MON2: variants seen among roughly 807,000 people sequenced by gnomAD.
MON2 encodes the protein protein MON2 homolog.
MON2 carries 84 observed loss-of-function variants against 208.6 expected under a neutral mutation model. The ratio of observed to expected loss-of-function variants is 0.40; its 90% CI spans 0.34 to 0.48. The LOEUF is 0.48. MON2 is among the 20% of genes least tolerant of loss of function. MON2 has a pLI of 0.59. For synonymous variants in MON2, 660 were observed against 694.0 expected (o/e 0.95, Z 0.77); for missense variants, 1,611 against 2,015.4 (o/e 0.80, Z 3.84).
At chr12:62,550,570 A>G (rs925171571) in intron 23 of MON2, among the ~76,000 whole-genome samples, 5 of 152,164 alleles carry the variant, frequency 3.3e-5, no homozygotes, top group Non-Finnish European at 7.3e-5. Flanking sequence ...CTACATTGAA[A>G]ATCTGTTGGT....
chr12:62,555,646 C>G (rs1193734325), intron 24 of MON2, among the ~76,000 whole-genome samples: 2 of 151,972 alleles, frequency 1.3e-5, no homozygotes, highest in Admixed American at 1.3e-4. Flanking sequence ...CCCATCTCTA[C>G]TAAAAATACA....
intron 31 of MON2, among the ~76,000 whole-genome samples, chr12:62,579,196 G>T (rs1054080058): frequency 6.6e-6 from 1 of 151,732 alleles, no homozygotes; most frequent in African/African-American, 2.4e-5. Flanking sequence ...GTGAGCTACA[G>T]CTGTACCACT....
At chr12:62,529,852 T>C (rs1212130642) in intron 11 of MON2, among the ~76,000 whole-genome samples, 1 of 152,178 alleles carries the variant, frequency 6.6e-6, no homozygotes, top group African/African-American at 2.4e-5. Flanking sequence ...TGCAACATAA[T>C]TTTTTTCAAC....
intron 8 of MON2, among the ~76,000 whole-genome samples, chr12:62,523,079 G>A (rs2072143919): frequency 1.3e-5 from 2 of 152,104 alleles, no homozygotes; most frequent in Admixed American, 6.6e-5. Flanking sequence ...ACACTTATAT[G>A]CCACTTATGC....
At chr12:62,495,267 T>C (rs1011052174) in intron 4 of MON2, 120 bp downstream of exon 4, 2 of 787,598 alleles carry the variant, frequency 2.5e-6, no homozygotes, top group Non-Finnish European at 1.9e-6. Context: ...GCTATGGTGA[T>C]GATTGACATT....
chr12:62,591,536 A>T (rs2075397981), intron 34 of MON2, among the ~76,000 whole-genome samples: 1 of 152,256 alleles, frequency 6.6e-6, no homozygotes, highest in Admixed American at 6.5e-5. Flanking sequence ...AGCCCTTAAT[A>T]AATTGATATG....
intron 8 of MON2, among the ~76,000 whole-genome samples, chr12:62,524,136 A>G (rs1346006980): frequency 6.6e-6 from 1 of 152,134 alleles, no homozygotes; most frequent in Non-Finnish European, 1.5e-5. Flanking sequence ...AAAGTATGGA[A>G]AAAACTGCTC....
At chr12:62,503,775 C>T (rs1167459437) in intron 7 of MON2, among the ~76,000 whole-genome samples, 2 of 152,178 alleles carry the variant, frequency 1.3e-5, no homozygotes, top group Non-Finnish European at 2.9e-5. Flanking sequence ...TATTCCTGGG[C>T]CTGGAATCCT....
At chr12:62,543,303 C>G in intron 20 of MON2, 105 bp downstream of exon 20, 4 of 540,718 alleles carry the variant, frequency 7.4e-6, no homozygotes, top group Non-Finnish European at 3.0e-6. Flanking sequence ...CTTTTTTTCC[C>G]CCTTTCCTGA....
chr12:62,538,090 T>G lies in MON2; in HGVS notation c.2119-6T>G, dbSNP rs2073067180. On this transcript the variant is annotated splice_polypyrimidine_tract_variant and splice_region_variant and intron_variant, in intron 16 of 34. Coordinates refer to ENST00000393630, the MANE Select transcript of MON2 (RefSeq NM_015026.3). ...TATTTGTTTTGATTTTTTTTTAATT[T>G]TACAGCATCTTGTGTGGATTCTGGG... is the stretch of plus-strand genomic sequence containing the variant. The G allele has an allele frequency of 6.2e-7, 1 of 1,607,262 alleles. No homozygotes were observed. Among genetic ancestry groups the G allele is most frequent in the Admixed American group, 1.7e-5 (1 of 58,554 alleles).
chr12:62,498,729 A>G (rs2070675892), intron 4 of MON2, among the ~76,000 whole-genome samples, 190 bp from the exon 5 acceptor site: 2 of 152,234 alleles, frequency 1.3e-5, no homozygotes, highest in South Asian at 4.1e-4. Context: ...ACATTACCAT[A>G]GCTAATCTTC....
intron 24 of MON2, among the ~76,000 whole-genome samples, chr12:62,554,713 C>A (rs963490821): frequency 6.6e-6 from 1 of 152,052 alleles, no homozygotes; most frequent in African/African-American, 2.4e-5. Flanking sequence ...CCCGGCTGTT[C>A]TCAAACTCTA....
chr12:62,565,936 A>T (rs2074367918), intron 27 of MON2, 78 bp from the exon 28 acceptor site: 2 of 1,295,416 alleles, frequency 1.5e-6, no homozygotes, highest in Non-Finnish European at 1.1e-6. Flanking sequence ...TTATAATTTT[A>T]TATCGTCCGA....
At chr12:62,563,976 GCAGT>G (rs2074284408) in intron 26 of MON2, among the ~76,000 whole-genome samples, 1 of 152,130 alleles carries the variant, frequency 6.6e-6, no homozygotes, top group African/African-American at 2.4e-5. Context: ...ACTATTACAA[GCAGT>G]CAGTAAAGAG....
chr12:62,473,936 A>T (rs1200889356), intron 1 of MON2, among the ~76,000 whole-genome samples: 1 of 151,664 alleles, frequency 6.6e-6, no homozygotes, highest in Non-Finnish European at 1.5e-5. Flanking sequence ...CTCCATGCTC[A>T]CCTGCTTGGC....
chr12:62,507,883 C>T (rs907561714), intron 7 of MON2, among the ~76,000 whole-genome samples: 1 of 152,156 alleles, frequency 6.6e-6, no homozygotes, highest in Non-Finnish European at 1.5e-5. Context: ...TTCCTTCCAC[C>T]TCAGCCTCCC....
rs890709715 is a variant in MON2 at position 62,595,367 on chromosome 12, A to C, written c.*2618A>C. On this transcript the variant is annotated 3_prime_UTR_variant, in exon 35 of 35. Transcript: ENST00000393630. Reference sequence around the variant, plus strand: ...ACCATTTTGGCCATTCTAGTCTTGAACTCCTGACCTCAGGTGATCTGCCCG... The same window carrying C: ...ACCATTTTGGCCATTCTAGTCTTGACCTCCTGACCTCAGGTGATCTGCCCG... The C allele has an allele frequency of 2.0e-5, 3 of 151,422 alleles. No individual in the cohort carries two copies. The highest frequency in any genetic ancestry group is 7.3e-5 in the African/African-American group (3 of 41,146). 9.4% of individuals were successfully genotyped at this position (151,422 alleles called of 1,614,324 possible).
intron 4 of MON2, among the ~76,000 whole-genome samples, chr12:62,495,923 G>A (rs1229088447): frequency 1.3e-5 from 2 of 151,734 alleles, no homozygotes; most frequent in Non-Finnish European, 2.9e-5. Context: ...ACATGTAAGA[G>A]CCATTCTATT....
Position 62,596,770 on chromosome 12 carries a change from C to G in MON2, c.*4021C>G, listed in dbSNP as rs930610155. On this transcript the variant is annotated 3_prime_UTR_variant, in exon 35 of 35. Transcript: ENST00000393630. Reference sequence around the variant, plus strand: ...TCTCTGGAAAGTAGAATAGTGCTTTCATTTGAATGAAAAGTGTTTATAGAT... The same window carrying G: ...TCTCTGGAAAGTAGAATAGTGCTTTGATTTGAATGAAAAGTGTTTATAGAT... 2 of 152,148 alleles carry G rather than the reference C, an allele frequency of 1.3e-5. No homozygotes were observed. The highest frequency in any genetic ancestry group is 4.8e-5 in the African/African-American group (2 of 41,434). The allele number at this position is 152,148 out of a possible 1,614,324, so 9.4% of individuals were successfully genotyped here.
Sources: gnomAD v4.1 joint callset for allele counts (sites outside exome capture counted in the v4.1 genomes callset) on GRCh38, gnomAD v4.1.1 for gene constraint, MANE v1.5 for transcripts, NCBI Gene and HGNC (gene_info 2026-07-23, HGNC 2026-07-21) for gene names.